Variants in CDH8 observed in about 807,000 individuals in gnomAD.
CDH8 encodes the protein cadherin-8.
CDH8 carries 17 observed loss-of-function variants against 68.1 expected under a neutral mutation model. The observed-to-expected ratio is 0.25, with a 90% confidence interval of 0.17 to 0.37. CDH8 has a LOEUF of 0.37. CDH8 is among the 10% of genes least tolerant of loss of function. The pLI, the probability that CDH8 is intolerant of heterozygous loss-of-function variation, is 1.00. For missense variants in CDH8, 763 were observed against 999.3 expected (o/e 0.76, Z 3.19); for synonymous variants, 372 against 365.1 (o/e 1.02, Z -0.21).
chr16:61,675,338 A>C lies in CDH8; in HGVS notation c.1655-19617T>G, dbSNP rs559952753. On this transcript the variant is annotated intron_variant, in intron 10 of 11. Coordinates refer to ENST00000577390, the MANE Select transcript of CDH8 (RefSeq NM_001796.5). ...ATTGGAAATCATCATTCTCAGTAAA[A>C]TATCGCAAGAACAAAAAACCAAACA... is the stretch of plus-strand genomic sequence containing the variant. Among the ~76,000 whole-genome samples, 220 of 151,532 alleles carry C rather than the reference A, an allele frequency of 1.5e-3. 1 individual carries two copies. The highest frequency in any genetic ancestry group is 2.6e-3 in the Non-Finnish European group (176 of 67,892).
chr16:61,962,991 T>C (rs928812681), intron 2 of CDH8, among the ~76,000 whole-genome samples: 1 of 152,232 alleles, frequency 6.6e-6, no homozygotes, highest in Non-Finnish European at 1.5e-5. Flanking sequence ...TTAATGACTA[T>C]GCACCATTCC....
At chr16:61,919,042 C>A (rs187883721) in intron 2 of CDH8, among the ~76,000 whole-genome samples, 2 of 147,122 alleles carry the variant, frequency 1.4e-5, no homozygotes, top group Non-Finnish European at 3.0e-5. Context: ...GAGGCACCCC[C>A]CAGCAGGGGC....
chr16:61,759,072 A>G (rs1960395251), intron 8 of CDH8, among the ~76,000 whole-genome samples: 1 of 152,188 alleles, frequency 6.6e-6, no homozygotes, highest in Non-Finnish European at 1.5e-5. Flanking sequence ...TCGTAACAGC[A>G]TTGACCACAG....
At chr16:62,025,818 A>C (rs1220124272) in intron 1 of CDH8, among the ~76,000 whole-genome samples, 11 of 152,154 alleles carry the variant, frequency 7.2e-5, no homozygotes. Context: ...ATATTAAATC[A>C]TAAAGAACTA....
At chr16:61,939,425 T>G (rs1964677806) in intron 2 of CDH8, among the ~76,000 whole-genome samples, 1 of 152,178 alleles carries the variant, frequency 6.6e-6, no homozygotes, top group African/African-American at 2.4e-5. Flanking sequence ...AGCATTATTT[T>G]TCCTCCTTTG....
At chr16:61,739,907 A>G (rs187188153) in intron 8 of CDH8, among the ~76,000 whole-genome samples, 25,399 of 100,740 alleles carry the variant, frequency 0.25, 3,042 homozygotes, top group Middle Eastern at 0.3. Context: ...ATATATATAT[A>G]TATATGTATT....
At chr16:61,762,090 G>A (rs142622951) in intron 8 of CDH8, among the ~76,000 whole-genome samples, 105 of 152,244 alleles carry the variant, frequency 6.9e-4, no homozygotes, top group African/African-American at 2.4e-3. Flanking sequence ...GTGAGGCTCC[G>A]GAGGTAGGCA....
intron 2 of CDH8, among the ~76,000 whole-genome samples, chr16:61,908,042 CA>C (rs547459147): frequency 0.012 from 1,094 of 91,522 alleles, 9 homozygotes; most frequent in East Asian, 0.022. Context: ...GACTCAGTCT[CA>C]AAAAAAAAAA....
intron 2 of CDH8, among the ~76,000 whole-genome samples, chr16:61,934,809 G>A (rs998685054): frequency 4.6e-5 from 7 of 151,968 alleles, no homozygotes; most frequent in South Asian, 2.1e-4. Flanking sequence ...CACTAAAATC[G>A]CCAGAGAATT....
chr16:61,836,420 G>A (rs781749621), intron 4 of CDH8, among the ~76,000 whole-genome samples: 3 of 151,968 alleles, frequency 2.0e-5, no homozygotes, highest in East Asian at 3.9e-4. Context: ...AAAGATAAAC[G>A]CATGATAAAA....
intron 5 of CDH8, among the ~76,000 whole-genome samples, chr16:61,822,535 A>G (rs978516428): frequency 5.3e-5 from 8 of 151,800 alleles, no homozygotes; most frequent in African/African-American, 1.9e-4. Context: ...TATACTCAAC[A>G]TAACAGTAAG....
intron 10 of CDH8, among the ~76,000 whole-genome samples, chr16:61,702,716 A>G (rs1337150130): frequency 2.0e-5 from 3 of 152,230 alleles, no homozygotes; most frequent in African/African-American, 7.2e-5. Flanking sequence ...TGTGAAAATT[A>G]TAAAATAAAA....
intron 2 of CDH8, among the ~76,000 whole-genome samples, chr16:61,913,944 A>T (rs1482202424): frequency 2.0e-5 from 3 of 152,168 alleles, no homozygotes; most frequent in African/African-American, 7.2e-5. Context: ...AACCCCCAAT[A>T]ACTCATAACA....
intron 8 of CDH8, among the ~76,000 whole-genome samples, chr16:61,746,032 T>A (rs1445326104): frequency 6.6e-6 from 1 of 152,070 alleles, no homozygotes; most frequent in Non-Finnish European, 1.5e-5. Flanking sequence ...TTAATTTAAT[T>A]TCTGAGTTTC....
chr16:61,718,724 C>T (rs1295897310), intron 9 of CDH8, among the ~76,000 whole-genome samples: 1 of 151,072 alleles, frequency 6.6e-6, no homozygotes, highest in Non-Finnish European at 1.5e-5. Flanking sequence ...TCATTCCTCA[C>T]CTTGAAAATG....
chr16:61,958,583 A>G (rs1965024713), intron 2 of CDH8, among the ~76,000 whole-genome samples: 1 of 152,174 alleles, frequency 6.6e-6, no homozygotes, highest in South Asian at 2.1e-4. Context: ...CTGGAGTCAA[A>G]TTTCTCTAAA....
At chr16:61,858,129 G>A (rs998249260) in intron 3 of CDH8, among the ~76,000 whole-genome samples, 6 of 151,608 alleles carry the variant, frequency 4.0e-5, no homozygotes, top group Admixed American at 1.3e-4. Context: ...CAAAAAGCTC[G>A]CAGTTCGAGG....
At chr16:61,675,262 T>C (rs534863053) in intron 10 of CDH8, among the ~76,000 whole-genome samples, 330 of 152,032 alleles carry the variant, frequency 2.2e-3, no homozygotes, top group Non-Finnish European at 3.7e-3. Flanking sequence ...TGGAATACTA[T>C]GCAGCCATAA....
At chr16:61,776,939 C>T (rs556076846) in intron 8 of CDH8, among the ~76,000 whole-genome samples, 2 of 152,068 alleles carry the variant, frequency 1.3e-5, no homozygotes, top group East Asian at 3.9e-4. Flanking sequence ...GCACATGCAC[C>T]CCTGAACTTA....
Sources: allele counts gnomAD v4.1 joint callset (sites outside exome capture counted in the v4.1 genomes callset), GRCh38; gene constraint gnomAD v4.1.1; transcripts MANE v1.5; gene names NCBI Gene and HGNC (gene_info 2026-07-23, HGNC 2026-07-21).